Variants in OLFM3 observed in about 807,000 individuals in gnomAD.
OLFM3 encodes the protein olfactomedin 3.
OLFM3 carries 20 observed loss-of-function variants against 48.6 expected under a neutral mutation model. That is an observed-to-expected ratio of 0.41 (90% confidence interval 0.29 to 0.60). The LOEUF (loss-of-function observed/expected upper bound fraction) is 0.60. Ranked by LOEUF, OLFM3 falls within the 20% of genes least tolerant of loss-of-function variation. OLFM3 has a pLI of 0.28. For synonymous variants in OLFM3, 222 were observed against 198.1 expected (o/e 1.12, Z -1.01); for missense variants, 437 against 544.3 (o/e 0.80, Z 1.96).
At chr1:101,980,383 T>C (rs1661076219) in intron 1 of OLFM3, among the ~76,000 whole-genome samples, 1 of 152,016 alleles carries the variant, frequency 6.6e-6, no homozygotes, top group African/African-American at 2.4e-5. Flanking sequence ...GTGTCAAGGG[T>C]GGGACAAAGT....
chr1:101,901,468 T>C (rs1394438488), intron 1 of OLFM3, among the ~76,000 whole-genome samples: 4 of 152,026 alleles, frequency 2.6e-5, no homozygotes, highest in Non-Finnish European at 4.4e-5. Context: ...AACGGTGATA[T>C]AGAGAATAAG....
intron 1 of OLFM3, among the ~76,000 whole-genome samples, chr1:101,851,686 G>C (rs142669990): frequency 1.3e-5 from 2 of 152,012 alleles, no homozygotes; most frequent in Non-Finnish European, 2.9e-5. Context: ...TTGAAAAGTC[G>C]AGGTAACTAC....
chr1:101,840,688 C>T (rs1331899540), intron 1 of OLFM3, among the ~76,000 whole-genome samples: 1 of 152,084 alleles, frequency 6.6e-6, no homozygotes, highest in Non-Finnish European at 1.5e-5. Context: ...TCAGGCCTAC[C>T]TCGCACTCCT....
At chr1:101,971,565 GAAT>G (rs1660804276) in intron 1 of OLFM3, among the ~76,000 whole-genome samples, 5 of 152,130 alleles carry the variant, frequency 3.3e-5, no homozygotes, top group Non-Finnish European at 5.9e-5. Context: ...AAAAATTGCA[GAAT>G]AAAGTTCAGA....
intron 1 of OLFM3, among the ~76,000 whole-genome samples, chr1:101,967,625 G>C (rs559931585): frequency 1.0e-5 from 1 of 96,440 alleles, no homozygotes; most frequent in Non-Finnish European, 2.0e-5. Context: ...GGAATAACTG[G>C]AAGACGAAAG....
chr1:101,813,225 C>T (rs1654155709), intron 4 of OLFM3: 1 of 469,942 alleles, frequency 2.1e-6, no homozygotes, highest in Non-Finnish European at 3.5e-6. Flanking sequence ...AATGAGTGCA[C>T]TAAATATTTG....
intron 1 of OLFM3, among the ~76,000 whole-genome samples, chr1:101,913,533 A>T (rs776806745): frequency 1.3e-5 from 2 of 152,198 alleles, no homozygotes; most frequent in African/African-American, 4.8e-5. Flanking sequence ...TACTACTCAA[A>T]GCCTACTTCC....
intron 1 of OLFM3, among the ~76,000 whole-genome samples, chr1:101,843,489 A>T (rs1655832363): frequency 6.6e-6 from 1 of 152,178 alleles, no homozygotes; most frequent in Non-Finnish European, 1.5e-5. Context: ...CAATGCCTCC[A>T]AAGGCTGATG....
chr1:101,842,211 T>C (rs1178415057), intron 1 of OLFM3, among the ~76,000 whole-genome samples: 1 of 152,068 alleles, frequency 6.6e-6, no homozygotes, highest in Non-Finnish European at 1.5e-5. Context: ...AAAATAATAA[T>C]AATAATAATG....
chr1:101,949,992 C>G (rs1182456137), intron 1 of OLFM3, among the ~76,000 whole-genome samples: 1 of 143,232 alleles, frequency 7.0e-6, no homozygotes, highest in East Asian at 2.0e-4. Flanking sequence ...CGTGCCACTG[C>G]ACTCCAGCCT....
intron 4 of OLFM3, among the ~76,000 whole-genome samples, chr1:101,810,425 GC>G (rs1183317990): frequency 6.6e-6 from 1 of 151,994 alleles, no homozygotes; most frequent in African/African-American, 2.4e-5. Context: ...GCGGAGCAGA[GC>G]TAAAGAAGGA....
chr1:101,986,046 A>C (rs2101114970), intron 1 of OLFM3, among the ~76,000 whole-genome samples: 1 of 151,354 alleles, frequency 6.6e-6, no homozygotes, highest in South Asian at 2.1e-4. Context: ...GCTCACTGCA[A>C]GCTCCGCCTC....
intron 1 of OLFM3, among the ~76,000 whole-genome samples, chr1:101,911,409 A>C (rs1658756240): frequency 6.6e-6 from 1 of 152,134 alleles, no homozygotes; most frequent in African/African-American, 2.4e-5. Flanking sequence ...AAAATAGATA[A>C]ATGACTGAAA....
intron 1 of OLFM3, among the ~76,000 whole-genome samples, chr1:101,991,634 T>G (rs1661415175): frequency 6.6e-6 from 1 of 151,298 alleles, no homozygotes; most frequent in African/African-American, 2.4e-5. Context: ...GGAAAACAAG[T>G]TTTTACTTTA....
intron 1 of OLFM3, among the ~76,000 whole-genome samples, chr1:101,918,778 C>G (rs1659005526): frequency 6.6e-6 from 1 of 152,132 alleles, no homozygotes; most frequent in African/African-American, 2.4e-5. Context: ...CTTGTCTAAA[C>G]TATGGTGAAG....
chr1:101,942,395 T>C (rs1314955213), intron 1 of OLFM3, among the ~76,000 whole-genome samples: 1 of 152,190 alleles, frequency 6.6e-6, no homozygotes, highest in Non-Finnish European at 1.5e-5. Context: ...ATTTTGTAAT[T>C]GCAGTCTTAT....
chr1:101,805,020 C>G, intron 5 of OLFM3, 105 bp from the exon 6 acceptor site: 1 of 872,334 alleles, frequency 1.1e-6, no homozygotes, highest in South Asian at 1.8e-5. Flanking sequence ...TTCTCAGGCT[C>G]TGGAAGCCAC....
chr1:101,922,408 C>G (rs1408595317), intron 1 of OLFM3, among the ~76,000 whole-genome samples: 1 of 152,142 alleles, frequency 6.6e-6, no homozygotes, highest in Non-Finnish European at 1.5e-5. Context: ...CAGGCCCATA[C>G]ATACAGCTGA....
At chr1:101,855,408 AGT>A (rs1656374796) in intron 1 of OLFM3, among the ~76,000 whole-genome samples, 1 of 152,100 alleles carries the variant, frequency 6.6e-6, no homozygotes, top group Admixed American at 6.6e-5. Flanking sequence ...GATCCCAGAT[AGT>A]GTGTTGTTAG....
Sources: gnomAD v4.1 joint callset for allele counts (sites outside exome capture counted in the v4.1 genomes callset) on GRCh38, gnomAD v4.1.1 for gene constraint, MANE v1.5 for transcripts, NCBI Gene and HGNC (gene_info 2026-07-23, HGNC 2026-07-21) for gene names.